ZNF547: variants seen among roughly 807,000 people sequenced by gnomAD.
ZNF547 encodes zinc finger protein 547.
ZNF547 carries 4 observed loss-of-function variants against 7.7 expected under a neutral mutation model. That is an observed-to-expected ratio of 0.52 (90% confidence interval 0.26 to 1.20). ZNF547 has a LOEUF of 1.20. ZNF547 is among the 50% of genes most tolerant of loss of function. The pLI, the probability that ZNF547 is intolerant of heterozygous loss-of-function variation, is 0.14. For synonymous variants in ZNF547, 166 were observed against 166.2 expected (o/e 1.00, Z 0.01); for missense variants, 449 against 485.8 (o/e 0.92, Z 0.71).
chr19:57,377,676 C>G lies in ZNF547; in HGVS notation c.700C>G (p.His234Asp), dbSNP rs199697059. ...TCACCTTGTTCGTCACCAGACAATCCACTCTGGAGAAAGGCCTTATGAGTG... is the reference window on the plus strand; with the variant it reads ...TCACCTTGTTCGTCACCAGACAATCGACTCTGGAGAAAGGCCTTATGAGTG... ...KSHLVRHQTI[H>D]SGERPYECSE... The change falls in exon 4 of 4, where the codon CAC (histidine) becomes GAC (aspartate). Residue 234 changes from histidine (H) to aspartate (D), a missense_variant. Physicochemically the swap from His to Asp is moderately conservative, Grantham distance 81. Transcript: ENST00000282282. 61 of 1,612,264 alleles carry G rather than the reference C, an allele frequency of 3.8e-5. No individual in the cohort carries two copies. Among genetic ancestry groups the G allele is most frequent in the Non-Finnish European group, 2.5e-6 (3 of 1,178,600 alleles).
At chr19:57,368,506 A>G (rs777913695) in intron 1 of ZNF547, 38 bp from the exon 2 acceptor site, 3 of 1,609,166 alleles carry the variant, frequency 1.9e-6, no homozygotes, top group South Asian at 2.2e-5. Flanking sequence ...AGATCTTCCC[A>G]TCGTTGCCCA....
intron 1 of ZNF547, chr19:57,364,399 G>A (rs1267840800): frequency 5.2e-6 from 1 of 190,582 alleles, no homozygotes; most frequent in Non-Finnish European, 1.1e-5. Flanking sequence ...TGGGTAGGGG[G>A]ACAGAAAGGT....
chr19:57,365,481 C>T, intron 1 of ZNF547: 1 of 464,628 alleles, frequency 2.2e-6, no homozygotes, highest in South Asian at 4.3e-5. Context: ...TTATAAAGAA[C>T]TCATTATCAA....
Position 57,377,306 on chromosome 19 carries a change from C to G in ZNF547, c.330C>G (p.Pro110=). The G allele has an allele frequency of 1.2e-6, 2 of 1,614,162 alleles. No individual in the cohort carries two copies. The highest frequency in any genetic ancestry group is 1.7e-6 in the Non-Finnish European group (2 of 1,180,038). Reference sequence around the variant, plus strand: ...TGGCTGAGCATGACGGAACACACCCCGAGCAGGGACTGTACACGTGTCCAG... The same window carrying G: ...TGGCTGAGCATGACGGAACACACCCGGAGCAGGGACTGTACACGTGTCCAG... ...LRLAEHDGTH[P]EQGLYTCPAH... The change falls in exon 4 of 4, where the codon CCC becomes CCG. Residue 110 remains proline, a synonymous_variant. Transcript: ENST00000282282.
At chr19:57,372,189 G>T (rs930354282) in intron 3 of ZNF547, among the ~76,000 whole-genome samples, 1 of 152,162 alleles carries the variant, frequency 6.6e-6, no homozygotes, top group Non-Finnish European at 1.5e-5. Context: ...CTATTCAAAT[G>T]CATGAGACCT....
chr19:57,378,844 C>A lies in ZNF547; in HGVS notation c.*659C>A, dbSNP rs962061612. ...AACTCTATAACCACCATTAAAAAAA[C>A]AACTCATTCCCACATTCTTCAGTCC... On this transcript the variant is annotated 3_prime_UTR_variant, in exon 4 of 4. Transcript: ENST00000282282. 19 of 378,684 alleles carry A rather than the reference C, an allele frequency of 5.0e-5. No homozygotes were observed. Among genetic ancestry groups the A allele is most frequent in the East Asian group, 8.4e-5 (1 of 11,952 alleles). The allele number at this position is 378,684 out of a possible 1,614,324, so 23.5% of individuals were successfully genotyped here.
intron 2 of ZNF547, among the ~76,000 whole-genome samples, chr19:57,369,049 G>A (rs2088488507): frequency 6.6e-6 from 1 of 152,130 alleles, no homozygotes; most frequent in African/African-American, 2.4e-5. Flanking sequence ...GGTGGTAGAT[G>A]GGGAAGATTT....
chr19:57,369,090 G>C (rs1213417735), intron 2 of ZNF547, among the ~76,000 whole-genome samples: 3 of 152,150 alleles, frequency 2.0e-5, no homozygotes, highest in Admixed American at 2.0e-4. Flanking sequence ...TAGGACCCTA[G>C]CTTAAGGAAC....
chr19:57,376,976 G>T, intron 3 of ZNF547, 152 bp from the exon 4 acceptor site: 1 of 737,582 alleles, frequency 1.4e-6, no homozygotes, highest in Non-Finnish European at 2.2e-6. Flanking sequence ...CTGCTCAGCT[G>T]TTAGTGAGAC....
intron 1 of ZNF547, chr19:57,364,852 T>C (rs765709622): frequency 6.2e-7 from 1 of 1,609,422 alleles, no homozygotes; most frequent in Non-Finnish European, 8.5e-7. Context: ...AAGCTTCTAC[T>C]TTGTAATTGT....
At chr19:57,374,454 G>A (rs547436433) in intron 3 of ZNF547, among the ~76,000 whole-genome samples, 151 of 152,322 alleles carry the variant, frequency 9.9e-4, no homozygotes, top group African/African-American at 3.5e-3. Flanking sequence ...AGGGGCTGCC[G>A]GGAAGGTCTC....
intron 1 of ZNF547, chr19:57,368,132 T>G (rs1568524691): frequency 6.2e-6 from 1 of 161,090 alleles, no homozygotes; most frequent in Non-Finnish European, 1.3e-5. Flanking sequence ...CAACATACCA[T>G]GGAAAATTTT....
At chr19:57,367,444 A>G (rs1325215250) in intron 1 of ZNF547, among the ~76,000 whole-genome samples, 2 of 151,976 alleles carry the variant, frequency 1.3e-5, no homozygotes, top group East Asian at 3.9e-4. Flanking sequence ...AAAAAAAAAA[A>G]AAGAATAGAG....
intron 1 of ZNF547, chr19:57,364,872 T>C: frequency 6.2e-7 from 1 of 1,611,636 alleles, no homozygotes; most frequent in Non-Finnish European, 8.5e-7. Flanking sequence ...TTGGTCACCA[T>C]GATAATCCAG....
In ZNF547 at chr19:57,377,110, G is replaced by T; in HGVS notation, c.152-18G>T. ...ATCACAGTCAACATGCACCTCACCAGCATTTTTATTCTTACAGGTTGTTGC... is the reference window on the plus strand; with the variant it reads ...ATCACAGTCAACATGCACCTCACCATCATTTTTATTCTTACAGGTTGTTGC... On this transcript the variant is annotated intron_variant, in intron 3 of 3. Coordinates refer to ENST00000282282, the MANE Select transcript of ZNF547 (RefSeq NM_173631.4). The T allele has an allele frequency of 6.2e-7, 1 of 1,602,620 alleles. No homozygotes were observed. Among genetic ancestry groups the T allele is most frequent in the Non-Finnish European group, 8.5e-7 (1 of 1,172,188 alleles).
In ZNF547 at chr19:57,378,535, G is replaced by C. The variant is rs1448454014; in HGVS notation, c.*350G>C. 2.3e-6 allele frequency: 1 copy of C among 430,970 alleles called. No homozygotes were observed. 26.7% of individuals were successfully genotyped at this position (430,970 alleles called of 1,614,324 possible). A position where few individuals can be genotyped will look rare whatever the true frequency, so the allele number is the denominator to read the frequency against. On this transcript the variant is annotated 3_prime_UTR_variant, in exon 4 of 4. Coordinates refer to ENST00000282282, the MANE Select transcript of ZNF547 (RefSeq NM_173631.4). ...TGAAAGTCTTCTGAGTACAGCAAAT[G>C]TGTGACATTATTTTGCTACTACTCC...
At chr19:57,376,282 T>C (rs1202237285) in intron 3 of ZNF547, among the ~76,000 whole-genome samples, 1 of 152,054 alleles carries the variant, frequency 6.6e-6, no homozygotes, top group African/African-American at 2.4e-5. Flanking sequence ...CACGTGGGGA[T>C]TATGGAGATT....
At chr19:57,365,191 CCTATT>C (rs772614187) in intron 1 of ZNF547, 2 of 1,591,652 alleles carry the variant, frequency 1.3e-6, no homozygotes, top group Non-Finnish European at 1.7e-6. Flanking sequence ...ACCCAATTCT[CCTATT>C]CGATCAAGTG....
intron 2 of ZNF547, chr19:57,371,228 AG>A (rs1568525600): frequency 6.5e-6 from 1 of 152,830 alleles, no homozygotes; most frequent in Non-Finnish European, 1.5e-5. Flanking sequence ...CTGGGATTAT[AG>A]GCATGAGCCA....
Sources: allele counts gnomAD v4.1 joint callset (sites outside exome capture counted in the v4.1 genomes callset), GRCh38; gene constraint gnomAD v4.1.1; transcripts MANE v1.5; gene names NCBI Gene and HGNC (gene_info 2026-07-23, HGNC 2026-07-21).